CDKL5: variants seen among roughly 807,000 people sequenced by gnomAD.
The protein encoded by CDKL5 is cyclin dependent kinase like 5, also known as cyclin-dependent kinase-like 5.
Under a neutral mutation model 61.7 loss-of-function variants are expected in CDKL5, and 8 were observed. The ratio of observed to expected loss-of-function variants is 0.13; its 90% CI spans 0.08 to 0.23. The LOEUF (loss-of-function observed/expected upper bound fraction) is 0.23. CDKL5 is among the 10% of genes least tolerant of loss of function. The pLI is 1.00. For missense variants in CDKL5, 440 were observed against 734.5 expected, an observed-to-expected ratio of 0.60 and a Z score of 4.63; for synonymous variants, 275 against 272.3, an observed-to-expected ratio of 1.01 and a Z score of -0.10.
intron 3 of CDKL5, among the ~76,000 whole-genome samples, chrX:18,516,284 GTT>G (rs375914877): frequency 6.6e-5 from 6 of 90,658 alleles, no homozygotes; most frequent in Admixed American, 1.2e-4. Context: ...CCTGGCCTAC[GTT>G]TTTTTTTTTT....
At chrX:18,618,620 GC>G (rs927020796) in intron 15 of CDKL5, among the ~76,000 whole-genome samples, 2 of 112,399 alleles carry the variant, frequency 1.8e-5, no homozygotes, top group Non-Finnish European at 3.8e-5. Flanking sequence ...CAGGGCCTAG[GC>G]CCAGTCTGTC....
At chrX:18,489,580 G>GCA (rs1475764979) in intron 1 of CDKL5, among the ~76,000 whole-genome samples, 1 of 111,123 alleles carries the variant, frequency 9.0e-6, no homozygotes, top group Non-Finnish European at 1.9e-5. Context: ...AGATTCTATT[G>GCA]ATTCCAGGTC....
intron 16 of CDKL5, among the ~76,000 whole-genome samples, chrX:18,622,698 C>T (rs1190042321): frequency 9.0e-6 from 1 of 111,489 alleles, no homozygotes; most frequent in Admixed American, 9.5e-5. Flanking sequence ...GGTATAGGAA[C>T]TGAGCCCAAG....
At position 18,631,861 on chromosome X, in the gene CDKL5, T is replaced by C; in HGVS notation, c.*3104T>C. The C allele has an allele frequency of 1.3e-6, 1 of 754,052 alleles. No individual in the cohort carries two copies. Among genetic ancestry groups the C allele is most frequent in the Non-Finnish European group, 1.6e-6 (1 of 639,121 alleles). The allele number at this position is 754,052 out of a possible 1,213,427, so 62.1% of individuals were successfully genotyped here. A position where few individuals can be genotyped will look rare whatever the true frequency, so the allele number is the denominator to read the frequency against. On this transcript the variant is annotated 3_prime_UTR_variant, in exon 18 of 18. Coordinates refer to ENST00000623535, the MANE Select transcript of CDKL5 (RefSeq NM_001323289.2). ...AAGGGAGTGCTTCATGCTGAGGGGCTCAAGTGAGCTGACTCTACAACTGTG... is the reference window on the plus strand; with the variant it reads ...AAGGGAGTGCTTCATGCTGAGGGGCCCAAGTGAGCTGACTCTACAACTGTG...
intron 16 of CDKL5, among the ~76,000 whole-genome samples, chrX:18,624,539 G>T (rs1926979601): frequency 8.9e-6 from 1 of 112,012 alleles, no homozygotes; most frequent in African/African-American, 3.2e-5. Context: ...CTGGTGAATA[G>T]AGCAATTGCA....
In CDKL5 at chrX:18,609,465, G is replaced by C. The variant is rs1926471292; in HGVS notation, c.2047G>C (p.Gly683Arg). ...TTTATAAATTTCTTTCCTGCCTCAG[G>C]GTGGAGTGTATCATGACCCACACTC... ...SSFHTRQKSE[G>R]GVYHDPHSDD... The change falls in exon 14 of 18, where the codon GGT becomes CGT. Residue 683 changes from glycine to arginine, a missense_variant and splice_region_variant. Transcript: ENST00000623535. The C allele has an allele frequency of 8.3e-7, 1 of 1,209,829 alleles. No homozygotes were observed. The highest frequency in any genetic ancestry group is 2.2e-5 in the Admixed American group (1 of 45,778).
At chrX:18,612,773 T>C (rs952573422) in intron 14 of CDKL5, among the ~76,000 whole-genome samples, 7 of 111,503 alleles carry the variant, frequency 6.3e-5, no homozygotes, top group African/African-American at 2.3e-4. Context: ...TGCAAATTAG[T>C]GTCATAAGCA....
chrX:18,530,593 C>A (rs1923610168), intron 3 of CDKL5, among the ~76,000 whole-genome samples: 1 of 111,638 alleles, frequency 9.0e-6, no homozygotes, highest in Non-Finnish European at 1.9e-5. Flanking sequence ...CCTATTAGAG[C>A]CCTTAACATA....
intron 1 of CDKL5, among the ~76,000 whole-genome samples, chrX:18,495,022 C>T (rs991565300): frequency 2.7e-5 from 3 of 112,023 alleles, no homozygotes; most frequent in African/African-American, 9.7e-5. Context: ...TTTCACAAGG[C>T]CGTGCCTTCC....
chrX:18,568,648 CTCTTCT>C (rs745575668), intron 4 of CDKL5, among the ~76,000 whole-genome samples: 3 of 110,893 alleles, frequency 2.7e-5, no homozygotes, highest in African/African-American at 9.8e-5. Context: ...TGTCAGTTTT[CTCTTCT>C]TCTTCTTCTT....
chrX:18,594,161 T>G (rs547885583), intron 9 of CDKL5, among the ~76,000 whole-genome samples: 1 of 112,369 alleles, frequency 8.9e-6, no homozygotes, highest in African/African-American at 3.2e-5. Context: ...TTAGCATGTT[T>G]AGGGATTTCG....
At chrX:18,590,065 A>C (rs1602277385) in intron 9 of CDKL5, among the ~76,000 whole-genome samples, 1 of 111,331 alleles carries the variant, frequency 9.0e-6, no homozygotes, top group Non-Finnish European at 1.9e-5. Context: ...AGATTGCAAA[A>C]ATTTTCTCCC....
At chrX:18,510,795 G>C (rs1307254533) in intron 2 of CDKL5, 25 bp from the exon 3 acceptor site, 1 of 1,173,350 alleles carries the variant, frequency 8.5e-7, no homozygotes, top group East Asian at 3.0e-5. Context: ...GCGTGCCCTT[G>C]ATTGTTTACT....
intron 1 of CDKL5, among the ~76,000 whole-genome samples, chrX:18,437,632 C>A (rs999282026): frequency 1.8e-5 from 2 of 112,172 alleles, no homozygotes; most frequent in Non-Finnish European, 3.8e-5. Context: ...TGTATAGGAG[C>A]ACTACTCTTC....
At chrX:18,454,472 T>C (rs1265395969) in intron 1 of CDKL5, among the ~76,000 whole-genome samples, 1 of 108,433 alleles carries the variant, frequency 9.2e-6, no homozygotes, top group Non-Finnish European at 1.9e-5. Context: ...CCTGACCTCA[T>C]GATCTGCCTG....
chrX:18,484,219 GTAAC>G (rs1263872866), intron 1 of CDKL5, among the ~76,000 whole-genome samples: 2 of 112,460 alleles, frequency 1.8e-5, no homozygotes, highest in African/African-American at 6.5e-5. Flanking sequence ...AGAAGCGCAA[GTAAC>G]TAACTAGTTG....
At chrX:18,564,385 A>T in intron 3 of CDKL5, 92 bp from the exon 4 acceptor site, 1 of 551,702 alleles carries the variant, frequency 1.8e-6, no homozygotes, top group Non-Finnish European at 3.1e-6. Flanking sequence ...GCTTCTTGCT[A>T]CTCTGTCCCA....
In CDKL5 at chrX:18,645,886, G is replaced by A. The variant is rs899942642; in HGVS notation, c.2714-121G>A. ...CCTAGTCTCCCTTGCAACTAGATGGGGCCCCCTAACCAAACTCTGGTCAAT... is the reference window on the plus strand; with the variant it reads ...CCTAGTCTCCCTTGCAACTAGATGGAGCCCCCTAACCAAACTCTGGTCAAT... On this transcript the variant is annotated intron_variant, in intron 19 of 21. Coordinates refer to the CDKL5 transcript ENST00000379989. The A allele has an allele frequency of 9.8e-6, 11 of 1,120,183 alleles. No individual in the cohort carries two copies. In the African/African-American group the frequency reaches 1.3e-4, roughly 13 times the overall value. The allele number at this position is 1,120,183 out of a possible 1,213,427, so 92.3% of individuals were successfully genotyped here.
intron 9 of CDKL5, among the ~76,000 whole-genome samples, chrX:18,592,916 C>T (rs1925875781): frequency 9.0e-6 from 1 of 111,627 alleles, no homozygotes; most frequent in Admixed American, 9.5e-5. Flanking sequence ...ACAATTGATG[C>T]CCCATAGTAT....
Sources: allele counts gnomAD v4.1 joint callset (sites outside exome capture counted in the v4.1 genomes callset), GRCh38; gene constraint gnomAD v4.1.1; transcripts MANE v1.5; gene names NCBI Gene and HGNC (gene_info 2026-07-23, HGNC 2026-07-21).